C2CD3: variants seen among roughly 807,000 people sequenced by gnomAD.
C2CD3 encodes the protein C2 domain containing 3 centriole elongation regulator, also known as C2 domain-containing protein 3.
Under a neutral mutation model 234.0 loss-of-function variants are expected in C2CD3, and 148 were observed. The ratio of observed to expected loss-of-function variants is 0.63; its 90% CI spans 0.55 to 0.72. The LOEUF is 0.72. Among genes scored for constraint, C2CD3 ranks in the 30% least tolerant of loss-of-function variants. The probability of loss-of-function intolerance (pLI) is 0.00; values close to 1 mark genes in which losing one functional copy is unlikely to be tolerated. For missense variants in C2CD3, 2,577 were observed against 2,811.5 expected (o/e 0.92, Z 1.89); for synonymous variants, 1,000 against 1,035.4 (o/e 0.97, Z 0.66).
chr11:74,150,522 A>AAAAAAAAAAAACAAAAC (rs1855558619), intron 3 of C2CD3, among the ~76,000 whole-genome samples: 2 of 63,540 alleles, frequency 3.1e-5, no homozygotes, highest in Non-Finnish European at 6.4e-5. Flanking sequence ...AAAACAAAAA[A>AAAAAAAAAAAACAAAAC]AAAACAAAAC....
chr11:74,109,101 A>G lies in C2CD3; in HGVS notation c.1895T>C (p.Met632Thr), dbSNP rs1436134426. The G allele has an allele frequency of 6.2e-6, 10 of 1,603,322 alleles. No individual in the cohort carries two copies. Among genetic ancestry groups the G allele is most frequent in the Non-Finnish European group, 8.5e-6 (10 of 1,176,084 alleles). Residue 632 changes from methionine to threonine, a missense_variant, in exon 12 of 33, where the codon ATG (methionine) becomes ACG (threonine). Coordinates refer to ENST00000334126, the MANE Select transcript of C2CD3 (RefSeq NM_001286577.2). ...FVFPVQFGGP[M>T]IEHWWNSNLT... is the part of the protein sequence containing the mutation. ...GTTGGAATTCCACCAGTGCTCTATCATTGGGCCACCAAACTGTACTGGAAA... is the reference window on the plus strand; with the variant it reads ...GTTGGAATTCCACCAGTGCTCTATCGTTGGGCCACCAAACTGTACTGGAAA...
chr11:74,076,469 A>C (rs1007495768), intron 23 of C2CD3, among the ~76,000 whole-genome samples: 1 of 152,212 alleles, frequency 6.6e-6, no homozygotes, highest in Non-Finnish European at 1.5e-5. Flanking sequence ...TCTCTAATTC[A>C]TCTTAACTAC....
chr11:74,141,552 C>T (rs2135546805), intron 3 of C2CD3, among the ~76,000 whole-genome samples: 1 of 152,302 alleles, frequency 6.6e-6, no homozygotes, highest in East Asian at 1.9e-4. Flanking sequence ...TAGGCCTGTA[C>T]TGCCATTGGC....
chr11:74,109,353 C>T, intron 11 of C2CD3: 2 of 495,964 alleles, frequency 4.0e-6, no homozygotes, highest in South Asian at 3.6e-5. Context: ...AGATAGTACA[C>T]AGAAGACAGG....
chr11:74,014,197 T>TG (rs1951797078), intron 32 of C2CD3, among the ~76,000 whole-genome samples: 1 of 152,156 alleles, frequency 6.6e-6, no homozygotes, highest in African/African-American at 2.4e-5. Context: ...CAGGCTCCTG[T>TG]GCTGAAGGAG....
At position 74,087,288 on chromosome 11, in the gene C2CD3, G is replaced by A. The variant is rs1240774835; in HGVS notation, c.3642-1402C>T. 5.3e-5 allele frequency among the ~76,000 whole-genome samples: 8 copies of A among 152,138 alleles called. No homozygotes were observed. In the South Asian group the frequency reaches 1.4e-3, roughly 28 times the overall value. On this transcript the variant is annotated intron_variant, in intron 20 of 32. Transcript: ENST00000334126. ...AGCTTAAAAAATGAGGATAGGCTGG[G>A]TGCGGTGGCTCGCGCCTGTAATCCC... is the stretch of plus-strand genomic sequence containing the variant.
At chr11:74,136,446 G>A (rs116080922) in intron 5 of C2CD3, among the ~76,000 whole-genome samples, 3 of 152,164 alleles carry the variant, frequency 2.0e-5, no homozygotes, top group Non-Finnish European at 2.9e-5. Context: ...ACAGGCCTAG[G>A]TAAACAATGA....
Position 74,122,968 on chromosome 11 carries a change from C to T in C2CD3, c.1365+20G>A, listed in dbSNP as rs1179394107. The T allele has an allele frequency of 1.2e-6, 2 of 1,601,810 alleles. No individual in the cohort carries two copies. The highest frequency in any genetic ancestry group is 1.7e-6 in the Non-Finnish European group (2 of 1,170,548). On this transcript the variant is annotated intron_variant, in intron 8 of 32. Transcript: ENST00000334126. ...TACATTTGTTCTCTAATTCTCAATGCTTCAGGTTCAGTGACTTACAGGTGC... is the reference window on the plus strand; with the variant it reads ...TACATTTGTTCTCTAATTCTCAATGTTTCAGGTTCAGTGACTTACAGGTGC...
chr11:74,040,933 C>G (rs1953013722), intron 29 of C2CD3, among the ~76,000 whole-genome samples: 1 of 150,958 alleles, frequency 6.6e-6, no homozygotes, highest in Admixed American at 6.6e-5. Flanking sequence ...CACGCACACA[C>G]ACACACCCCT....
intron 20 of C2CD3, among the ~76,000 whole-genome samples, chr11:74,087,719 C>G (rs1213406328): frequency 6.6e-6 from 1 of 152,170 alleles, no homozygotes; most frequent in African/African-American, 2.4e-5. Flanking sequence ...GCTTGGGCCC[C>G]AAGCTGGTTT....
intron 28 of C2CD3, among the ~76,000 whole-genome samples, chr11:74,046,351 T>A (rs1422856394): frequency 2.6e-5 from 4 of 152,216 alleles, no homozygotes; most frequent in Admixed American, 2.0e-4. Context: ...AGGTACTTTT[T>A]ATTATTTTAA....
intron 13 of C2CD3, among the ~76,000 whole-genome samples, chr11:74,104,844 CAA>C (rs1277398779): frequency 6.6e-6 from 1 of 152,062 alleles, no homozygotes; most frequent in Non-Finnish European, 1.5e-5. Flanking sequence ...GTATTTCTCT[CAA>C]AAGAGCCAGA....
At chr11:74,127,951 C>T (rs555377119) in intron 7 of C2CD3, among the ~76,000 whole-genome samples, 1 of 152,224 alleles carries the variant, frequency 6.6e-6, no homozygotes, top group South Asian at 2.1e-4. Flanking sequence ...CAAGCTCCGC[C>T]TCCTGGGTTC....
At position 74,150,171 on chromosome 11, in the gene C2CD3, T is replaced by A. The variant is rs1404935606; in HGVS notation, c.484-10343A>T. Among the ~76,000 whole-genome samples, 12 of 146,936 alleles carry A rather than the reference T, an allele frequency of 8.2e-5. No individual in the cohort carries two copies. The East Asian group carries it at 2.2e-3, about 27-fold the overall frequency. The stretch of plus-strand genomic sequence containing the variant: ...TTCCTTTTGTAAAAAAAAAAAAAAA[T>A]TGATATCAAGAAAAATGTTTCTGTG... On this transcript the variant is annotated intron_variant, in intron 3 of 32. Transcript: ENST00000334126.
intron 3 of C2CD3, among the ~76,000 whole-genome samples, chr11:74,147,912 A>G (rs1395380000): frequency 6.6e-6 from 1 of 152,244 alleles, no homozygotes; most frequent in African/African-American, 2.4e-5. Context: ...AGCTTTATGA[A>G]AACTAACACT....
intron 29 of C2CD3, among the ~76,000 whole-genome samples, chr11:74,039,571 T>C (rs559198379): frequency 7.9e-5 from 12 of 152,144 alleles, no homozygotes; most frequent in Non-Finnish European, 1.6e-4. Context: ...AAGCCCTTCA[T>C]GGGATTCTGA....
chr11:74,119,696 C>T (rs897562314), intron 8 of C2CD3, among the ~76,000 whole-genome samples: 30 of 147,512 alleles, frequency 2.0e-4, no homozygotes, highest in Admixed American at 4.1e-4. Context: ...AGTGCAGTGG[C>T]GCAATCTCCG....
intron 7 of C2CD3, among the ~76,000 whole-genome samples, chr11:74,123,371 T>G (rs1344150905): frequency 6.6e-6 from 1 of 152,238 alleles, no homozygotes; most frequent in Non-Finnish European, 1.5e-5. Flanking sequence ...ATCTCATTCA[T>G]GTATTCAACA....
chr11:74,116,899 C>T (rs1409985848), intron 9 of C2CD3, among the ~76,000 whole-genome samples: 7 of 111,618 alleles, frequency 6.3e-5, no homozygotes, highest in South Asian at 2.9e-4. Context: ...TGTATATATA[C>T]ACACGTGTAT....
Sources: gnomAD v4.1 joint callset for allele counts (sites outside exome capture counted in the v4.1 genomes callset) on GRCh38, gnomAD v4.1.1 for gene constraint, MANE v1.5 for transcripts, NCBI Gene and HGNC (gene_info 2026-07-23, HGNC 2026-07-21) for gene names.